Variants in DTD1 observed in about 807,000 individuals in gnomAD.
DTD1 encodes the protein D-aminoacyl-tRNA deacylase 1, also known as D-tyrosyl-tRNA deacylase 1 homolog.
In DTD1, 13 loss-of-function variants were observed where a neutral mutation model predicts 25.6. The observed-to-expected ratio is 0.51, with a 90% CI of 0.33 to 0.81. The LOEUF is 0.81. Ranked by LOEUF, DTD1 falls within the 30% of genes least tolerant of loss-of-function variation. The pLI, the probability that DTD1 is intolerant of heterozygous loss-of-function variation, is 0.02. For missense variants in DTD1, 193 were observed against 266.4 expected (o/e 0.72, Z 1.92); for synonymous variants, 110 against 103.6 (o/e 1.06, Z -0.37).
rs79955302 is a variant in DTD1 at position 18,713,976 on chromosome 20, G to A, written c.478-30124G>A. ...CATCCAGAGCCTGGTCTGACCTGAG[G>A]AGCCCTGACCTCCAGCCTGCACTCC... is the stretch of plus-strand genomic sequence containing the variant. On this transcript the variant is annotated intron_variant, in intron 4 of 5. Transcript: ENST00000377452. 5.2e-3 allele frequency among the ~76,000 whole-genome samples: 798 copies of A among 152,240 alleles called. 6 individuals carry two copies. The highest frequency in any genetic ancestry group is 0.035 in the South Asian group (169 of 4,820).
chr20:18,646,725 C>T (rs566757543), intron 4 of DTD1, among the ~76,000 whole-genome samples: 54 of 152,342 alleles, frequency 3.5e-4, no homozygotes, highest in Admixed American at 1.8e-3. Context: ...GTGCCTTCCT[C>T]ATGTGCCCTC....
At chr20:18,695,183 C>T (rs1464743129) in intron 4 of DTD1, among the ~76,000 whole-genome samples, 5 of 151,998 alleles carry the variant, frequency 3.3e-5, no homozygotes, top group Non-Finnish European at 7.4e-5. Context: ...GTGTCAGCAA[C>T]GATTCACACA....
rs118036460 is a variant in DTD1, at chr20:18,751,822, A to G, written c.*19+7551A>G. Reference sequence around the variant, plus strand: ...GTTTTTGAAGGATAATTTTGCTGGTATAGACTTCTAGACTTGTAGTTTTTT... The same window carrying G: ...GTTTTTGAAGGATAATTTTGCTGGTGTAGACTTCTAGACTTGTAGTTTTTT... On this transcript the variant is annotated intron_variant, in intron 5 of 5. Transcript: ENST00000377452. Among the ~76,000 whole-genome samples, 368 of 148,384 alleles carry G rather than the reference A, an allele frequency of 2.5e-3. 7 individuals carry two copies. The highest frequency in any genetic ancestry group is 0.02 in the Admixed American group (302 of 14,798).
intron 3 of DTD1, among the ~76,000 whole-genome samples, chr20:18,602,107 T>A: frequency 7.4e-6 from 1 of 135,318 alleles, no homozygotes; most frequent in African/African-American, 2.7e-5. Flanking sequence ...AAACCAAGGC[T>A]TGAGAACTAC....
At chr20:18,660,000 G>A (rs56862128) in intron 4 of DTD1, among the ~76,000 whole-genome samples, 3,925 of 152,168 alleles carry the variant, frequency 0.026, 181 homozygotes, top group African/African-American at 0.09. Flanking sequence ...TTGGGAGGCC[G>A]AAGTGGTGGA....
At chr20:18,720,119 C>T (rs1387278266) in intron 4 of DTD1, among the ~76,000 whole-genome samples, 1 of 152,104 alleles carries the variant, frequency 6.6e-6, no homozygotes, top group African/African-American at 2.4e-5. Context: ...GCATGAAGAC[C>T]ATGGCTGGTT....
chr20:18,613,348 A>T (rs571735676), intron 3 of DTD1, among the ~76,000 whole-genome samples: 1 of 152,352 alleles, frequency 6.6e-6, no homozygotes, highest in South Asian at 2.1e-4. Context: ...CAGCGTGGTA[A>T]CATTCCTCAG....
At position 18,757,700 on chromosome 20, in the gene DTD1, G is replaced by A. The variant is rs1432805687; in HGVS notation, c.*20-5660G>A. Among the ~76,000 whole-genome samples the A allele has an allele frequency of 5.9e-5, 9 of 152,134 alleles. No homozygotes were observed. In the East Asian group the frequency reaches 7.7e-4, roughly 13 times the overall value. On this transcript the variant is annotated intron_variant, in intron 5 of 5. Coordinates refer to ENST00000377452, the MANE Select transcript of DTD1 (RefSeq NM_080820.6). ...GTATTTTATTGAGGATTTTTGCATC[G>A]ATGTTCATCAGGGATATTGGTCTAA... is the stretch of plus-strand genomic sequence containing the variant.
At chr20:18,638,582 C>G (rs957747978) in intron 4 of DTD1, among the ~76,000 whole-genome samples, 1 of 152,162 alleles carries the variant, frequency 6.6e-6, no homozygotes, top group East Asian at 1.9e-4. Flanking sequence ...GGAAGAAAGG[C>G]CAGTGTGGCT....
chr20:18,692,953 G>A (rs1191732450), intron 4 of DTD1, among the ~76,000 whole-genome samples: 1 of 145,572 alleles, frequency 6.9e-6, no homozygotes, highest in Non-Finnish European at 1.5e-5. Context: ...GAGTGCAGTG[G>A]CACAATCTCA....
chr20:18,623,611 T>C (rs1435632684), intron 3 of DTD1, among the ~76,000 whole-genome samples: 1 of 152,170 alleles, frequency 6.6e-6, no homozygotes, highest in East Asian at 1.9e-4. Context: ...ACCTGGGACA[T>C]GCACACGGAA....
intron 4 of DTD1, among the ~76,000 whole-genome samples, chr20:18,736,021 G>T (rs1358743497): frequency 6.6e-6 from 1 of 151,994 alleles, no homozygotes; most frequent in African/African-American, 2.4e-5. Context: ...CTTCCAATGT[G>T]GCTCAGGGAA....
At chr20:18,687,934 G>C (rs774465947) in intron 4 of DTD1, among the ~76,000 whole-genome samples, 3 of 152,224 alleles carry the variant, frequency 2.0e-5, no homozygotes, top group Non-Finnish European at 4.4e-5. Flanking sequence ...GTTTGGACTT[G>C]TGCCTTCTTA....
intron 3 of DTD1, among the ~76,000 whole-genome samples, chr20:18,614,224 G>C (rs80258336): frequency 1.1e-3 from 161 of 152,280 alleles, no homozygotes; most frequent in African/African-American, 3.7e-3. Flanking sequence ...CAAGCACTGA[G>C]CATCCCACAT....
intron 4 of DTD1, among the ~76,000 whole-genome samples, chr20:18,685,495 A>C (rs536895160): frequency 6.6e-6 from 1 of 152,246 alleles, no homozygotes; most frequent in Non-Finnish European, 1.5e-5. Context: ...GGAAGGGAGA[A>C]GGTATGGCAG....
At chr20:18,652,223 G>A (rs56390035) in intron 4 of DTD1, among the ~76,000 whole-genome samples, 176 of 152,298 alleles carry the variant, frequency 1.2e-3, no homozygotes, top group Middle Eastern at 3.4e-3. Flanking sequence ...TATATACCCC[G>A]TCCTTGAAAT....
intron 4 of DTD1, among the ~76,000 whole-genome samples, chr20:18,737,785 GA>G (rs2061262083): frequency 6.6e-6 from 1 of 152,264 alleles, no homozygotes; most frequent in Admixed American, 6.5e-5. Context: ...CTTCGGGACA[GA>G]AAAGGATGGA....
In DTD1 at chr20:18,649,326, CTTTTTTTTTTTTT is replaced by C. The variant is rs55766733; in HGVS notation, c.477+21111_477+21123del. On this transcript the variant is annotated intron_variant, in intron 4 of 5. Coordinates refer to ENST00000377452, the MANE Select transcript of DTD1 (RefSeq NM_080820.6). ...TGGGCTTTCTCAGCCATTCATCTTT[CTTTTTTTTTTTTT>C]TTTTTTTTTTTTTTTTTGAGATGGA... 9.5e-4 allele frequency among the ~76,000 whole-genome samples: 55 copies of C among 57,654 alleles called. 2 individuals carry two copies. Among genetic ancestry groups the C allele is most frequent in the African/African-American group, 2.3e-3 (33 of 14,452 alleles). 37.8% of individuals were successfully genotyped at this position (57,654 alleles called of 152,430 possible).
At chr20:18,678,290 G>A (rs930147387) in intron 4 of DTD1, among the ~76,000 whole-genome samples, 10 of 152,234 alleles carry the variant, frequency 6.6e-5, no homozygotes, top group African/African-American at 2.4e-4. Context: ...AGCCCCTTAG[G>A]TGAGAGGAAA....
Sources: gnomAD v4.1 joint callset for allele counts (sites outside exome capture counted in the v4.1 genomes callset) on GRCh38, gnomAD v4.1.1 for gene constraint, MANE v1.5 for transcripts, NCBI Gene and HGNC (gene_info 2026-07-23, HGNC 2026-07-21) for gene names.